STAU2: variants seen among roughly 807,000 people sequenced by gnomAD.
The protein encoded by STAU2 is double-stranded RNA-binding protein Staufen homolog 2.
In STAU2, 20 loss-of-function variants were observed where a neutral mutation model predicts 65.9. The ratio of observed to expected loss-of-function variants is 0.30; its 90% confidence interval spans 0.21 to 0.44. The LOEUF (loss-of-function observed/expected upper bound fraction) is 0.44, where lower values mean the gene tolerates loss of function less well. Ranked by LOEUF, STAU2 falls within the 20% of genes least tolerant of loss-of-function variation. The pLI is 1.00. For synonymous variants in STAU2, 232 were observed against 233.9 expected (o/e 0.99, Z 0.07); for missense variants, 558 against 683.9 (o/e 0.82, Z 2.05).
intron 13 of STAU2, among the ~76,000 whole-genome samples, chr8:73,541,083 C>A (rs1300289745): frequency 6.6e-6 from 1 of 152,178 alleles, no homozygotes; most frequent in Non-Finnish European, 1.5e-5. Flanking sequence ...CCAGTGAGAA[C>A]TGGTTGAGAT....
At chr8:73,622,801 A>C (rs1481567453) in intron 6 of STAU2, among the ~76,000 whole-genome samples, 1 of 152,226 alleles carries the variant, frequency 6.6e-6, no homozygotes, top group Admixed American at 6.5e-5. Flanking sequence ...TCAAATAGAC[A>C]CAAGTGCATG....
At chr8:73,715,467 GA>G (rs1207351360) in intron 3 of STAU2, among the ~76,000 whole-genome samples, 1 of 128,676 alleles carries the variant, frequency 7.8e-6, no homozygotes, top group East Asian at 2.2e-4. Flanking sequence ...AAAAAAAAAA[GA>G]AAGAAAGAAA....
chr8:73,618,107 T>C (rs1041918487), intron 6 of STAU2, among the ~76,000 whole-genome samples: 1 of 152,162 alleles, frequency 6.6e-6, no homozygotes, highest in Admixed American at 6.5e-5. Flanking sequence ...AAAATTAAGA[T>C]ATGTAATAAA....
At chr8:73,645,784 A>G (rs991203748) in intron 6 of STAU2, among the ~76,000 whole-genome samples, 1 of 152,208 alleles carries the variant, frequency 6.6e-6, no homozygotes, top group African/African-American at 2.4e-5. Flanking sequence ...AAGCAGGCAC[A>G]TCTTACATGG....
chr8:73,450,732 T>C lies in STAU2; in HGVS notation c.1531-28030A>G, dbSNP rs566721741. The stretch of plus-strand genomic sequence containing the variant: ...TGCCTTCAATCTTGGGTGTGTTTAT[T>C]TGAAACCTAACAATGTGTGCAAAAC... On this transcript the variant is annotated intron_variant, in intron 13 of 14. Transcript: ENST00000524300. Among the ~76,000 whole-genome samples the C allele has an allele frequency of 4.2e-3, 641 of 152,342 alleles. 2 individuals carry two copies. Among genetic ancestry groups the C allele is most frequent in the Non-Finnish European group, 7.6e-3 (520 of 68,038 alleles).
At chr8:73,747,360 C>T (rs1205259867), upstream of STAU2, 4 of 1,535,072 alleles carry the variant, frequency 2.6e-6, no homozygotes, top group Non-Finnish European at 3.5e-6. Context: ...CTGGTCCGCA[C>T]CCTGTGCTCT....
chr8:73,504,632 G>C (rs527678681), intron 13 of STAU2, among the ~76,000 whole-genome samples: 1 of 151,968 alleles, frequency 6.6e-6, no homozygotes, highest in Admixed American at 6.6e-5. Context: ...GCCACCTAGT[G>C]GGGGAGGCAG....
At chr8:73,649,149 A>T (rs989024844) in intron 6 of STAU2, among the ~76,000 whole-genome samples, 8 of 152,228 alleles carry the variant, frequency 5.3e-5, no homozygotes, top group Admixed American at 3.3e-4. Context: ...CAAGCCAAGA[A>T]AGAGTAGTTC....
chr8:73,430,366 C>T (rs1817172589), intron 13 of STAU2, among the ~76,000 whole-genome samples: 1 of 152,188 alleles, frequency 6.6e-6, no homozygotes, highest in Non-Finnish European at 1.5e-5. Context: ...ACCAGGTACC[C>T]CTCTCACAGG....
chr8:73,702,318 C>T (rs551958498), intron 4 of STAU2, among the ~76,000 whole-genome samples: 19 of 152,050 alleles, frequency 1.2e-4, no homozygotes, highest in African/African-American at 3.1e-4. Flanking sequence ...TTATGCATTG[C>T]GTGTCTAATC....
intron 13 of STAU2, among the ~76,000 whole-genome samples, chr8:73,498,606 T>C (rs1821561248): frequency 6.6e-6 from 1 of 151,806 alleles, no homozygotes; most frequent in Admixed American, 6.6e-5. Context: ...TAACTGGCAC[T>C]ATGATAGGCA....
chr8:73,654,675 T>A (rs1369480251), intron 6 of STAU2, among the ~76,000 whole-genome samples: 7 of 78,748 alleles, frequency 8.9e-5, no homozygotes, highest in African/African-American at 1.4e-4. Context: ...CTCTTTTAAT[T>A]ATCAAACCTT....
intron 5 of STAU2, among the ~76,000 whole-genome samples, chr8:73,687,306 A>T (rs11994712): frequency 8.8e-5 from 6 of 68,222 alleles, no homozygotes; most frequent in African/African-American, 1.8e-4. Flanking sequence ...ATATTTATAA[A>T]TATAATTTAT....
chr8:73,435,077 G>T (rs1817594171), intron 13 of STAU2, among the ~76,000 whole-genome samples: 2 of 151,808 alleles, frequency 1.3e-5, no homozygotes, highest in South Asian at 4.2e-4. Context: ...ACGCTCCCTG[G>T]CCAGCTGGTA....
At chr8:73,467,228 T>C (rs1433273535) in intron 13 of STAU2, among the ~76,000 whole-genome samples, 3 of 152,162 alleles carry the variant, frequency 2.0e-5, no homozygotes, top group Non-Finnish European at 4.4e-5. Flanking sequence ...ATTAGTTGAG[T>C]TAATAATTGA....
At chr8:73,747,343 G>A (rs1394233751), upstream of STAU2, 1 of 1,530,124 alleles carries the variant, frequency 6.5e-7, no homozygotes, top group Admixed American at 2.0e-5. Flanking sequence ...CTGACCGTCT[G>A]CTCTTTCTGG....
At chr8:73,728,462 G>GAAA (rs1491405476) in intron 3 of STAU2, among the ~76,000 whole-genome samples, 1 of 37,232 alleles carries the variant, frequency 2.7e-5, no homozygotes. Context: ...TCCAACTTTT[G>GAAA]CAAAAAAAAA....
chr8:73,539,036 T>TG (rs1297632397), intron 13 of STAU2, among the ~76,000 whole-genome samples: 1 of 152,134 alleles, frequency 6.6e-6, no homozygotes, highest in Admixed American at 6.5e-5. Flanking sequence ...CAGAATTTGA[T>TG]GGAGAGTCAG....
At chr8:73,728,801 T>A (rs1805833858) in intron 3 of STAU2, among the ~76,000 whole-genome samples, 1 of 152,240 alleles carries the variant, frequency 6.6e-6, no homozygotes, top group Admixed American at 6.5e-5. Context: ...AGTTATTTAT[T>A]AGCTTTAGTG....
Sources: gnomAD v4.1 joint callset for allele counts (sites outside exome capture counted in the v4.1 genomes callset) on GRCh38, gnomAD v4.1.1 for gene constraint, MANE v1.5 for transcripts, NCBI Gene and HGNC (gene_info 2026-07-23, HGNC 2026-07-21) for gene names.